Variants in AKAP11 observed in about 807,000 individuals in gnomAD.
The protein encoded by AKAP11 is A-kinase anchor protein 11.
Under a neutral mutation model 146.1 loss-of-function variants are expected in AKAP11, and 36 were observed. The ratio of observed to expected loss-of-function variants is 0.25; its 90% CI spans 0.19 to 0.33. AKAP11 has a LOEUF of 0.33. Among genes scored for constraint, AKAP11 ranks in the 10% least tolerant of loss-of-function variants. The probability of loss-of-function intolerance (pLI) is 1.00; values close to 1 mark genes in which losing one functional copy is unlikely to be tolerated. For missense variants in AKAP11, 2,201 were observed against 2,197.0 expected (o/e 1.00, Z -0.04); for synonymous variants, 780 against 786.5 (o/e 0.99, Z 0.14).
At chr13:42,277,228 C>T (rs543918394) in intron 1 of AKAP11, among the ~76,000 whole-genome samples, 2 of 152,272 alleles carry the variant, frequency 1.3e-5, no homozygotes, top group Non-Finnish European at 2.9e-5. Context: ...CTAAGATAAT[C>T]ATTTGAGGGC....
At chr13:42,280,457 T>C (rs1959035070) in intron 1 of AKAP11, among the ~76,000 whole-genome samples, 1 of 152,242 alleles carries the variant, frequency 6.6e-6, no homozygotes, top group African/African-American at 2.4e-5. Context: ...GTAGACATAC[T>C]CATTTAAATA....
chr13:42,300,687 T>C lies in AKAP11; in HGVS notation c.1941T>C (p.Ala647=), dbSNP rs1959822494. 6.2e-7 allele frequency: 1 copy of C among 1,614,140 alleles called. No homozygotes were observed. Among genetic ancestry groups the C allele is most frequent in the African/African-American group, 1.3e-5 (1 of 75,068 alleles). The change falls in exon 8 of 13, where the codon GCT becomes GCC. Residue 647 remains alanine (A), a synonymous_variant. Transcript: ENST00000025301. The part of the protein sequence containing the change: ...QIFTNTVARF[A]ADLAEELVFE... ...TCACAAACACAGTTGCTAGGTTTGC[T>C]GCAGATCTTGCTGAAGAGCTTGTTT... is the stretch of plus-strand genomic sequence containing the variant.
Position 42,319,467 on chromosome 13 carries a change from C to A in AKAP11, c.*239C>A. 2.4e-6 allele frequency: 1 copy of A among 419,394 alleles called. No individual in the cohort carries two copies. The allele number at this position is 419,394 out of a possible 1,614,324, so 26.0% of individuals were successfully genotyped here. A position where few individuals can be genotyped will look rare whatever the true frequency, so the allele number is the denominator to read the frequency against. ...ATACACATGTGTAGTGTGTCAAGAC[C>A]CTAAGAACATGTATTTGAAGGAAGG... is the stretch of plus-strand genomic sequence containing the variant. On this transcript the variant is annotated 3_prime_UTR_variant, in exon 13 of 13. Transcript: ENST00000025301.
At position 42,322,836 on chromosome 13, in the gene AKAP11, T is replaced by C. The variant is rs911356738; in HGVS notation, c.*3608T>C. ...TAGGGTAGAGTTCTAGTTCTAGAAG[T>C]TCTTATTTTGTTTTTGTTGTAATGT... On this transcript the variant is annotated 3_prime_UTR_variant, in exon 13 of 13. Transcript: ENST00000025301. 2.0e-5 allele frequency: 3 copies of C among 152,702 alleles called. No homozygotes were observed. Among genetic ancestry groups the C allele is most frequent in the African/African-American group, 7.2e-5 (3 of 41,432 alleles). 9.5% of individuals were successfully genotyped at this position (152,702 alleles called of 1,614,324 possible). A position where few individuals can be genotyped will look rare whatever the true frequency, so the allele number is the denominator to read the frequency against.
intron 1 of AKAP11, among the ~76,000 whole-genome samples, chr13:42,282,819 C>T (rs1959092237): frequency 1.3e-5 from 2 of 152,146 alleles, no homozygotes; most frequent in Non-Finnish European, 2.9e-5. Flanking sequence ...TTTTTCCAAG[C>T]CATGTAGGTT....
chr13:42,305,333 A>G (rs989794776), intron 8 of AKAP11, among the ~76,000 whole-genome samples: 8 of 152,174 alleles, frequency 5.3e-5, no homozygotes, highest in African/African-American at 1.7e-4. Context: ...CTTGAATCCA[A>G]TTGCTCCATA....
At chr13:42,285,622 G>T (rs1470938447) in intron 1 of AKAP11, among the ~76,000 whole-genome samples, 1 of 152,144 alleles carries the variant, frequency 6.6e-6, no homozygotes, top group Non-Finnish European at 1.5e-5. Context: ...GCCTGGAGTG[G>T]ATTTAAGTTC....
At chr13:42,279,733 G>C (rs1202866719) in intron 1 of AKAP11, among the ~76,000 whole-genome samples, 1 of 151,452 alleles carries the variant, frequency 6.6e-6, no homozygotes, top group African/African-American at 2.4e-5. Flanking sequence ...CTCTTCCTTT[G>C]CATGCTTGGT....
chr13:42,272,878 G>A lies in AKAP11; in HGVS notation c.-100+650G>A, dbSNP rs143265763. Reference sequence around the variant, plus strand: ...TGCTGTTAATCCAGGCATCTAAGCTGCTTTATAAAAAATATGTAGATGTAA... The same window carrying A: ...TGCTGTTAATCCAGGCATCTAAGCTACTTTATAAAAAATATGTAGATGTAA... On this transcript the variant is annotated intron_variant, in intron 1 of 12. Transcript: ENST00000025301. 8.1e-3 allele frequency among the ~76,000 whole-genome samples: 1,233 copies of A among 152,288 alleles called. 11 individuals are homozygous for A. Among genetic ancestry groups the A allele is most frequent in the South Asian group, 0.035 (167 of 4,826 alleles).
intron 1 of AKAP11, among the ~76,000 whole-genome samples, chr13:42,277,383 A>G (rs536206916): frequency 2.4e-4 from 37 of 152,324 alleles, no homozygotes; most frequent in African/African-American, 8.9e-4. Context: ...TGCATGTTTA[A>G]AAGTTGTGTT....
Position 42,299,642 on chromosome 13 carries a change from T to C in AKAP11, c.896T>C (p.Phe299Ser), listed in dbSNP as rs941084255. The C allele has an allele frequency of 6.2e-7, 1 of 1,613,810 alleles. No individual in the cohort carries two copies. Among genetic ancestry groups the C allele is most frequent in the African/African-American group, 1.3e-5 (1 of 74,906 alleles). The change falls in exon 8 of 13, where the codon TTT (phenylalanine) becomes TCT (serine). Residue 299 changes from phenylalanine (F) to serine (S), a missense_variant. Physicochemically the swap from Phe to Ser is radical, Grantham distance 155. Around this residue, in one of 3 missense-constraint regions of AKAP11, gnomAD observed 331 missense variants for 347.4 expected, o/e 0.95. Coordinates refer to ENST00000025301, the MANE Select transcript of AKAP11 (RefSeq NM_016248.4). ...DKDSDLQKTFFSSSPAYSSES... is the reference protein window; with the variant it reads ...DKDSDLQKTFSSSSPAYSSES... ...GATAGTGATTTACAGAAAACATTTTTTTCGTCTTCTCCTGCCTACTCATCT... is the reference window on the plus strand; with the variant it reads ...GATAGTGATTTACAGAAAACATTTTCTTCGTCTTCTCCTGCCTACTCATCT...
chr13:42,297,127 T>A lies in AKAP11; in HGVS notation c.296T>A (p.Ile99Asn), dbSNP rs145254818. ...HFCSLNENEI[I>N]CMKNINKPLD... ...TGCAGTCTAAATGAAAATGAAATTATTTGTATGAAGAATATAAATAAACCA... is the reference window on the plus strand; with the variant it reads ...TGCAGTCTAAATGAAAATGAAATTAATTGTATGAAGAATATAAATAAACCA... Residue 99 changes from isoleucine (I) to asparagine (N), a missense_variant, in exon 6 of 13, where the codon ATT (isoleucine) becomes AAT (asparagine). Coordinates refer to ENST00000025301, the MANE Select transcript of AKAP11 (RefSeq NM_016248.4). 2 of 1,580,922 alleles carry A rather than the reference T, an allele frequency of 1.3e-6. No individual in the cohort carries two copies. The highest frequency in any genetic ancestry group is 1.7e-6 in the Non-Finnish European group (2 of 1,161,762).
rs753235311 is a variant in AKAP11, at chr13:42,299,637, A to G, written c.891A>G (p.Thr297=). Residue 297 remains threonine (T), a synonymous_variant, in exon 8 of 13, where the codon ACA becomes ACG. Transcript: ENST00000025301. ...ATAAAGATAGTGATTTACAGAAAAC[A>G]TTTTTTTCGTCTTCTCCTGCCTACT... ...ASDKDSDLQK[T]FFSSSPAYSS... The G allele has an allele frequency of 6.2e-7, 1 of 1,613,836 alleles. No individual in the cohort carries two copies.
chr13:42,282,071 C>G (rs1959075086), intron 1 of AKAP11, among the ~76,000 whole-genome samples: 3 of 150,886 alleles, frequency 2.0e-5, no homozygotes, highest in Admixed American at 6.6e-5. Context: ...TGGGTTCAAG[C>G]AATTCTTGTG....
At chr13:42,297,974 A>G (rs1389932119) in intron 6 of AKAP11, among the ~76,000 whole-genome samples, 2 of 151,970 alleles carry the variant, frequency 1.3e-5, no homozygotes, top group Non-Finnish European at 2.9e-5. Context: ...ATCAGTATTT[A>G]CTTGAAAAAA....
intron 9 of AKAP11, 43 bp from the exon 10 acceptor site, chr13:42,313,004 A>T (rs770587043): frequency 9.8e-6 from 15 of 1,531,800 alleles, no homozygotes; most frequent in Non-Finnish European, 1.3e-5. Flanking sequence ...CTTTTCTACT[A>T]TTCATTTTCT....
chr13:42,293,602 G>A lies in AKAP11; in HGVS notation c.168+1101G>A, dbSNP rs149883407. ...AAATAAACAGTGGCAGAACATAACA[G>A]GCCTAATACATATGCTCATCTTCTA... On this transcript the variant is annotated intron_variant, in intron 4 of 12. Coordinates refer to ENST00000025301, the MANE Select transcript of AKAP11 (RefSeq NM_016248.4). Among the ~76,000 whole-genome samples the A allele has an allele frequency of 1.3e-3, 204 of 152,202 alleles. 1 individual carries two copies. Among genetic ancestry groups the A allele is most frequent in the Non-Finnish European group, 2.6e-3 (174 of 68,014 alleles).
intron 5 of AKAP11, among the ~76,000 whole-genome samples, chr13:42,296,318 GA>G (rs924047318): frequency 3.3e-5 from 5 of 152,156 alleles, no homozygotes; most frequent in South Asian, 2.1e-4. Flanking sequence ...TTGCTTGAAG[GA>G]AATAATTTGG....
chr13:42,311,795 A>AT (rs1242953354), intron 9 of AKAP11, among the ~76,000 whole-genome samples: 1 of 151,924 alleles, frequency 6.6e-6, no homozygotes, highest in East Asian at 1.9e-4. Context: ...ATATTTTCTT[A>AT]TTTTTAGTTT....
Sources: allele counts gnomAD v4.1 joint callset (sites outside exome capture counted in the v4.1 genomes callset), GRCh38; gene constraint gnomAD v4.1.1; regional missense constraint gnomAD v4.1.1; transcripts MANE v1.5; gene names NCBI Gene and HGNC (gene_info 2026-07-23, HGNC 2026-07-21).